CCDC126: variants seen among roughly 807,000 people sequenced by gnomAD.
CCDC126 encodes the protein coiled-coil domain containing 126.
In CCDC126, 5 loss-of-function variants were observed where a neutral mutation model predicts 11.7. The observed-to-expected ratio is 0.43, with a 90% CI of 0.22 to 0.90. The LOEUF is 0.90. Ranked by LOEUF, CCDC126 falls within the 40% of genes least tolerant of loss-of-function variation. The probability of loss-of-function intolerance (pLI) is 0.27; values close to 1 mark genes in which losing one functional copy is unlikely to be tolerated. For missense variants in CCDC126, 150 were observed against 163.1 expected (o/e 0.92, Z 0.44); for synonymous variants, 60 against 61.9 (o/e 0.97, Z 0.14).
chr7:23,614,506 C>T (rs751578019), intron 3 of CCDC126, among the ~76,000 whole-genome samples: 10 of 152,182 alleles, frequency 6.6e-5, no homozygotes, highest in Non-Finnish European at 7.3e-5. Flanking sequence ...TAAATGTTGA[C>T]ATTTTTACCT....
At chr7:23,636,190 C>T (rs1783207496) in intron 3 of CCDC126, among the ~76,000 whole-genome samples, 4 of 152,252 alleles carry the variant, frequency 2.6e-5, no homozygotes, top group Admixed American at 2.6e-4. Context: ...GGCTGGAGTG[C>T]AGTGGCGTGA....
At chr7:23,629,239 C>T (rs1011100133) in intron 3 of CCDC126, among the ~76,000 whole-genome samples, 1 of 152,142 alleles carries the variant, frequency 6.6e-6, no homozygotes, top group Admixed American at 6.5e-5. Context: ...GTCACGAGGA[C>T]TCTACCCTTA....
chr7:23,610,142 A>T (rs186320326), intron 2 of CCDC126, among the ~76,000 whole-genome samples: 1 of 152,318 alleles, frequency 6.6e-6, no homozygotes, highest in East Asian at 1.9e-4. Flanking sequence ...ACATAAATGC[A>T]TACCTTTCTC....
intron 3 of CCDC126, among the ~76,000 whole-genome samples, chr7:23,631,305 A>C (rs751494404): frequency 4.6e-5 from 7 of 152,254 alleles, no homozygotes; most frequent in Non-Finnish European, 7.3e-5. Flanking sequence ...CAGGAATGAA[A>C]AAATGAATAT....
At chr7:23,632,599 A>C in intron 3 of CCDC126, among the ~76,000 whole-genome samples, 1 of 152,244 alleles carries the variant, frequency 6.6e-6, no homozygotes, top group East Asian at 1.9e-4. Context: ...TATTGTATAC[A>C]GTTTTGCAAG....
At chr7:23,640,329 A>G (rs1414247084) in intron 3 of CCDC126, among the ~76,000 whole-genome samples, 1 of 150,264 alleles carries the variant, frequency 6.7e-6, no homozygotes, top group African/African-American at 2.5e-5. Context: ...GAAACCCCAC[A>G]TCTACTAAAA....
At chr7:23,637,704 T>G (rs1387846964) in intron 3 of CCDC126, among the ~76,000 whole-genome samples, 13 of 1,862 alleles carry the variant, frequency 7.0e-3, no homozygotes, top group Admixed American at 0.015. Flanking sequence ...AGGAGGGAGG[T>G]GGGGGGGGTC....
At chr7:23,628,119 G>A (rs1169805158) in intron 3 of CCDC126, among the ~76,000 whole-genome samples, 1 of 152,128 alleles carries the variant, frequency 6.6e-6, no homozygotes, top group Non-Finnish European at 1.5e-5. Flanking sequence ...TTTATAGTTT[G>A]AAGAAAACCA....
chr7:23,605,646 T>C (rs1782611581), intron 2 of CCDC126, among the ~76,000 whole-genome samples: 1 of 152,142 alleles, frequency 6.6e-6, no homozygotes, highest in Non-Finnish European at 1.5e-5. Context: ...TCAGAACATC[T>C]TACTTCCTTA....
chr7:23,633,849 C>G (rs1244208893), intron 3 of CCDC126, among the ~76,000 whole-genome samples: 3 of 151,690 alleles, frequency 2.0e-5, no homozygotes, highest in Admixed American at 6.6e-5. Context: ...GAGTGAGACC[C>G]TGTATCCAAA....
intron 3 of CCDC126, among the ~76,000 whole-genome samples, chr7:23,640,295 C>T (rs557843105): frequency 5.3e-5 from 8 of 150,746 alleles, no homozygotes; most frequent in South Asian, 2.1e-4. Context: ...ATCGGGAGTT[C>T]GAGACCAGCC....
chr7:23,618,582 G>T (rs1197470815), intron 3 of CCDC126, among the ~76,000 whole-genome samples: 2 of 134,234 alleles, frequency 1.5e-5, no homozygotes, highest in African/African-American at 2.8e-5. Context: ...ACAGAGTCTT[G>T]CTCTGTTGTT....
intron 3 of CCDC126, among the ~76,000 whole-genome samples, chr7:23,631,532 C>T (rs1037806662): frequency 2.6e-5 from 4 of 151,984 alleles, no homozygotes; most frequent in Non-Finnish European, 4.4e-5. Context: ...TTTGGGAGGC[C>T]GAGGTGGATC....
chr7:23,621,867 A>G (rs2128018273), intron 3 of CCDC126, among the ~76,000 whole-genome samples: 1 of 152,230 alleles, frequency 6.6e-6, no homozygotes. Flanking sequence ...GGTTCTGTTT[A>G]TATGCTGGAT....
intron 2 of CCDC126, among the ~76,000 whole-genome samples, chr7:23,610,202 CTGTT>C (rs754200065): frequency 1.1e-4 from 17 of 151,974 alleles, no homozygotes; most frequent in South Asian, 2.1e-4. Flanking sequence ...ATGTTCCAAC[CTGTT>C]TGTTTGTTTA....
At chr7:23,633,678 C>T (rs1029274274) in intron 3 of CCDC126, among the ~76,000 whole-genome samples, 5 of 152,060 alleles carry the variant, frequency 3.3e-5, no homozygotes, top group African/African-American at 1.2e-4. Context: ...AGCCTGGCAA[C>T]ATGGCGAAAC....
At chr7:23,615,023 T>G (rs1433754284) in intron 3 of CCDC126, among the ~76,000 whole-genome samples, 1 of 152,220 alleles carries the variant, frequency 6.6e-6, no homozygotes, top group Non-Finnish European at 1.5e-5. Context: ...AAAGTCAGCC[T>G]GTCATTTGAA....
At chr7:23,604,768 G>A (rs1050842512) in intron 2 of CCDC126, among the ~76,000 whole-genome samples, 15 of 152,084 alleles carry the variant, frequency 9.9e-5, no homozygotes, top group Middle Eastern at 3.4e-3. Context: ...AGGCTGAGGC[G>A]GGTGGATCAC....
At chr7:23,630,872 G>C (rs928615459) in intron 3 of CCDC126, among the ~76,000 whole-genome samples, 1 of 151,576 alleles carries the variant, frequency 6.6e-6, no homozygotes, top group Admixed American at 6.6e-5. Context: ...ATAATGGAAA[G>C]ATGATAGGAA....
Sources: gnomAD v4.1 joint callset for allele counts (sites outside exome capture counted in the v4.1 genomes callset) on GRCh38, gnomAD v4.1.1 for gene constraint, MANE v1.5 for transcripts, NCBI Gene and HGNC (gene_info 2026-07-23, HGNC 2026-07-21) for gene names.